BCO2: variants seen among roughly 807,000 people sequenced by gnomAD.
The protein encoded by BCO2 is carotenoid-cleaving dioxygenase, mitochondrial.
BCO2 carries 56 observed loss-of-function variants against 65.8 expected under a neutral mutation model. That is an observed-to-expected ratio of 0.85 (90% CI 0.69 to 1.06). The LOEUF (loss-of-function observed/expected upper bound fraction) is 1.06, where lower values mean the gene tolerates loss of function less well. BCO2 is among the 50% of genes least tolerant of loss of function. BCO2 has a pLI of 0.00. For synonymous variants in BCO2, 233 were observed against 242.3 expected, an observed-to-expected ratio of 0.96 and a Z score of 0.36; for missense variants, 675 against 698.5, an observed-to-expected ratio of 0.97 and a Z score of 0.38.
At chr11:112,209,496 C>G (rs1859447177) in intron 8 of BCO2, among the ~76,000 whole-genome samples, 1 of 152,138 alleles carries the variant, frequency 6.6e-6, no homozygotes, top group African/African-American at 2.4e-5. Context: ...GGTTCCAATT[C>G]TTGGCAATTA....
chr11:112,193,003 A>AGT (rs1347447911), intron 2 of BCO2, among the ~76,000 whole-genome samples: 1 of 58,228 alleles, frequency 1.7e-5, no homozygotes, highest in African/African-American at 6.7e-5. Context: ...TTTGAGATAG[A>AGT]GTCTCCCTCT....
At chr11:112,215,176 TG>T in intron 10 of BCO2, 1 of 521,712 alleles carries the variant, frequency 1.9e-6, no homozygotes, top group Non-Finnish European at 3.4e-6. Flanking sequence ...GATGTTATTT[TG>T]GGAGCAATTG....
At chr11:112,190,681 C>A (rs1168175613) in intron 2 of BCO2, among the ~76,000 whole-genome samples, 3 of 151,572 alleles carry the variant, frequency 2.0e-5, no homozygotes, top group Non-Finnish European at 4.4e-5. Flanking sequence ...ATGGTGAAAC[C>A]CCGTATCTAC....
chr11:112,179,357 G>A lies in BCO2; in HGVS notation c.168G>A (p.Pro56=), dbSNP rs750033799. 15 of 1,614,052 alleles carry A rather than the reference G, an allele frequency of 9.3e-6. No homozygotes were observed. The highest frequency in any genetic ancestry group is 8.0e-5 in the African/African-American group (6 of 74,912). ...GQCRGLPCVA[P]LLTTVEEAPR... is the part of the protein sequence containing the mutation. ...GTCGGGGTCTGCCATGTGTTGCACC[G>A]CTGCTGACCACAGTGGAAGAGGCTC... is the stretch of plus-strand genomic sequence containing the variant. The change falls in exon 2 of 12, where the codon CCG becomes CCA. Residue 56 remains proline, a synonymous_variant. Coordinates refer to ENST00000357685, the MANE Select transcript of BCO2 (RefSeq NM_031938.7).
intron 11 of BCO2, 48 bp downstream of exon 11, chr11:112,216,378 T>A (rs2676377): frequency 0.68 from 926,638 of 1,361,050 alleles, 319,717 homozygotes; most frequent in East Asian, 0.84. Context: ...TAGCACTGAG[T>A]CATCTGATAA....
At chr11:112,177,539 C>T (rs976813902) in intron 1 of BCO2, among the ~76,000 whole-genome samples, 8 of 152,134 alleles carry the variant, frequency 5.3e-5, no homozygotes, top group Non-Finnish European at 7.4e-5. Flanking sequence ...CCAAGTACTT[C>T]GTCAACTGAA....
chr11:112,195,582 A>G lies in BCO2; in HGVS notation c.736+827A>G, dbSNP rs568346520. Among the ~76,000 whole-genome samples the G allele has an allele frequency of 1.7e-4, 26 of 152,134 alleles. No individual in the cohort carries two copies. In the South Asian group the frequency reaches 5.2e-3, roughly 30 times the overall value. ...CTCAGTCTCCTGAGTAGCTGGGATT[A>G]CAGGTGCTTGCCACCATGCCCGGCT... On this transcript the variant is annotated intron_variant, in intron 5 of 11. Coordinates refer to ENST00000357685, the MANE Select transcript of BCO2 (RefSeq NM_031938.7).
intron 2 of BCO2, among the ~76,000 whole-genome samples, chr11:112,193,039 G>A (rs562668741): frequency 2.1e-4 from 30 of 141,468 alleles, no homozygotes; most frequent in South Asian, 1.6e-3. Context: ...GTGCAGTGGC[G>A]CGATCTCGGC....
At chr11:112,216,413 GAT>G in intron 11 of BCO2, 83 bp downstream of exon 11, 1 of 953,176 alleles carries the variant, frequency 1.0e-6, no homozygotes, top group Non-Finnish European at 1.7e-6. Context: ...CTCATCTGTC[GAT>G]AGTTTACTTT....
At chr11:112,189,274 A>C (rs901988322) in intron 2 of BCO2, among the ~76,000 whole-genome samples, 3 of 152,180 alleles carry the variant, frequency 2.0e-5, no homozygotes, top group Admixed American at 6.5e-5. Context: ...TAACCTCAGC[A>C]CTTTGGGAGG....
intron 7 of BCO2, 138 bp downstream of exon 7, chr11:112,200,911 G>A: frequency 2.3e-6 from 2 of 859,876 alleles, no homozygotes; most frequent in South Asian, 3.2e-5. Context: ...TTCTTCTATA[G>A]GTTGAGCTAG....
At chr11:112,195,472 G>T (rs1303995222) in intron 5 of BCO2, among the ~76,000 whole-genome samples, 3 of 149,216 alleles carry the variant, frequency 2.0e-5, no homozygotes, top group African/African-American at 7.4e-5. Context: ...TTTTACAAAG[G>T]CTCGCTCTTG....
At chr11:112,181,950 C>G (rs562072480) in intron 2 of BCO2, 1 of 568,832 alleles carries the variant, frequency 1.8e-6, no homozygotes, top group African/African-American at 1.9e-5. Flanking sequence ...TGCAATCTAC[C>G]CATCTGACAA....
chr11:112,213,860 C>T lies in BCO2; in HGVS notation c.1331C>T (p.Thr444Met), dbSNP rs146858215. 248 of 1,561,330 alleles carry T rather than the reference C, an allele frequency of 1.6e-4. No homozygotes were observed. Among genetic ancestry groups the T allele is most frequent in the Middle Eastern group, 1.2e-3 (7 of 5,942 alleles). ...AGTGCTGTGAAACAGGCTGATGGAA[C>T]GGTATGCTATGAACAGACATTAGAC... ...SASAVKQADG[T>M]IWCSHENLHQ... is the part of the protein sequence containing the mutation. Residue 444 changes from threonine to methionine, a missense_variant and splice_region_variant, in exon 9 of 12, where the codon ACG (threonine) becomes ATG (methionine). Transcript: ENST00000357685.
chr11:112,194,426 T>G (rs1173049531), intron 4 of BCO2: 1 of 474,880 alleles, frequency 2.1e-6, no homozygotes, highest in African/African-American at 2.0e-5. Flanking sequence ...GCAAATTTAT[T>G]CAGGGTGGTT....
At chr11:112,194,512 T>C (rs994121517) in intron 4 of BCO2, 141 bp from the exon 5 acceptor site, 5 of 583,216 alleles carry the variant, frequency 8.6e-6, no homozygotes, top group African/African-American at 5.9e-5. Context: ...GAAAAATAAT[T>C]TTTATTTCTC....
chr11:112,200,605 C>A lies in BCO2; in HGVS notation c.866-8C>A, dbSNP rs767246613. Reference sequence around the variant, plus strand: ...ATAACATTTTTATTGTTTGCTGGAACCTTTTAGGAATGACAAGGAACTATA... The same window carrying A: ...ATAACATTTTTATTGTTTGCTGGAAACTTTTAGGAATGACAAGGAACTATA... On this transcript the variant is annotated splice_region_variant and splice_polypyrimidine_tract_variant and intron_variant, in intron 6 of 11. Transcript: ENST00000357685. The A allele has an allele frequency of 1.4e-5, 22 of 1,591,722 alleles. No individual in the cohort carries two copies. The highest frequency in any genetic ancestry group is 3.3e-4 in the Middle Eastern group (2 of 6,010).
chr11:112,211,504 A>G (rs1351491958), intron 8 of BCO2, among the ~76,000 whole-genome samples: 1 of 152,132 alleles, frequency 6.6e-6, no homozygotes, highest in African/African-American at 2.4e-5. Flanking sequence ...TTGCTAGATC[A>G]TGTAATTCTG....
At chr11:112,194,251 C>G (rs1331619652) in intron 4 of BCO2, 4 of 447,156 alleles carry the variant, frequency 8.9e-6, no homozygotes, top group Non-Finnish European at 1.6e-5. Context: ...GAGTACTGAT[C>G]TACTTTGGCT....
Sources: allele counts gnomAD v4.1 joint callset (sites outside exome capture counted in the v4.1 genomes callset), GRCh38; gene constraint gnomAD v4.1.1; transcripts MANE v1.5; gene names NCBI Gene and HGNC (gene_info 2026-07-23, HGNC 2026-07-21).